XCR1: variants seen among roughly 807,000 people sequenced by gnomAD.
XCR1 encodes X-C motif chemokine receptor 1, also known as chemokine XC receptor 1.
For missense variants in XCR1, 356 were observed against 424.2 expected (o/e 0.84, Z 1.41); for synonymous variants, 187 against 188.5 (o/e 0.99, Z 0.06).
At chr3:46,085,550 A>T (rs6802160) in intron 1 of XCR1, among the ~76,000 whole-genome samples, 25,766 of 152,202 alleles carry the variant, frequency 0.17, 5,594 homozygotes, top group African/African-American at 0.51. Context: ...TTCTTGAAAG[A>T]ATAGGCCACG....
intron 1 of XCR1, among the ~76,000 whole-genome samples, chr3:46,085,344 A>G (rs1384068778): frequency 1.3e-5 from 2 of 152,232 alleles, no homozygotes. Flanking sequence ...TAACTTGGCC[A>G]AAGTCATGCA....
At chr3:46,038,867 G>A (rs147503111) in intron 5 of XCR1, among the ~76,000 whole-genome samples, 28 of 152,014 alleles carry the variant, frequency 1.8e-4, no homozygotes, top group Non-Finnish European at 2.8e-4. Context: ...ACTGTGATAC[G>A]GCTATAAACT....
At chr3:46,031,506 G>A (rs1035205661), upstream of XCR1, among the ~76,000 whole-genome samples, 1 of 152,242 alleles carries the variant, frequency 6.6e-6, no homozygotes, top group Non-Finnish European at 1.5e-5. Context: ...CAGGAGGAAG[G>A]CTGAGGAGGG....
intron 1 of XCR1, among the ~76,000 whole-genome samples, chr3:46,083,575 C>T (rs777116484): frequency 8.5e-5 from 13 of 152,132 alleles, no homozygotes; most frequent in Admixed American, 2.6e-4. Context: ...ATACTTTTGC[C>T]TTTGTTGGAT....
At chr3:46,030,877 T>C (rs928986817), upstream of XCR1, among the ~76,000 whole-genome samples, 8 of 152,250 alleles carry the variant, frequency 5.3e-5, no homozygotes, top group Admixed American at 3.3e-4. Context: ...ACTCATTCCC[T>C]GCCGTGTTCT....
chr3:46,066,027 A>G (rs529540174), intron 4 of XCR1, among the ~76,000 whole-genome samples: 1 of 152,160 alleles, frequency 6.6e-6, no homozygotes, highest in African/African-American at 2.4e-5. Flanking sequence ...GCTCAAGCAC[A>G]TAAGGGTGGG....
intron 4 of XCR1, among the ~76,000 whole-genome samples, chr3:46,057,882 GTCTATCTATCTATCTATCTATCTA>G (rs147836844): frequency 2.2e-5 from 3 of 134,878 alleles, no homozygotes; most frequent in East Asian, 2.3e-4. Context: ...TTATCTGTCT[GTCTATCTATCTATCTATCTATCTA>G]TCTATCTATC....
chr3:46,023,163 G>A (rs1371039119), intron 1 of XCR1: 3 of 404,508 alleles, frequency 7.4e-6, no homozygotes, highest in East Asian at 8.3e-5. Context: ...CCCGTGGCGC[G>A]GGGCCTGAGG....
intron 1 of XCR1, among the ~76,000 whole-genome samples, chr3:46,085,718 C>A (rs1010748123): frequency 6.6e-6 from 1 of 151,702 alleles, no homozygotes; most frequent in Admixed American, 6.5e-5. Flanking sequence ...GCACCCCCAA[C>A]CCCATACATT....
At chr3:46,034,447 CCTT>C (rs1415758813) in intron 5 of XCR1, among the ~76,000 whole-genome samples, 2 of 144,802 alleles carry the variant, frequency 1.4e-5, no homozygotes, top group Non-Finnish European at 3.1e-5. Context: ...CCTTTTATTT[CCTT>C]TTTTTTTTGT....
At chr3:46,083,601 C>T (rs1698417172) in intron 1 of XCR1, among the ~76,000 whole-genome samples, 1 of 152,156 alleles carries the variant, frequency 6.6e-6, no homozygotes, top group African/African-American at 2.4e-5. Context: ...TTCCCATGAA[C>T]ACATGATCTA....
intron 1 of XCR1, among the ~76,000 whole-genome samples, chr3:46,083,133 A>G (rs1559498216): frequency 6.6e-6 from 1 of 152,218 alleles, no homozygotes; most frequent in Non-Finnish European, 1.5e-5. Context: ...CACTAATGAC[A>G]GTACTAAAAT....
intron 4 of XCR1, among the ~76,000 whole-genome samples, chr3:46,064,314 C>A (rs1001137859): frequency 3.3e-5 from 5 of 152,176 alleles, no homozygotes; most frequent in Non-Finnish European, 5.9e-5. Context: ...CTGTATTGTT[C>A]ATTGGTCTGT....
chr3:46,034,233 A>G (rs1697375179), intron 5 of XCR1, among the ~76,000 whole-genome samples: 1 of 152,178 alleles, frequency 6.6e-6, no homozygotes, highest in Non-Finnish European at 1.5e-5. Context: ...TGGCCTCCCA[A>G]AGTGCTGGGA....
chr3:46,062,593 C>T lies in XCR1; in HGVS notation c.-183+4306G>A, dbSNP rs150218580. On this transcript the variant is annotated intron_variant, in intron 4 of 5. Coordinates refer to the XCR1 transcript ENST00000683768. ...AAGGCTCTCCCTGCCTACTTTTGCT[C>T]CTTCTCCCGTTACTCTTTTGGGAAT... Among the ~76,000 whole-genome samples the T allele has an allele frequency of 9.3e-4, 141 of 152,356 alleles. 1 individual carries two copies. Among genetic ancestry groups the T allele is most frequent in the Middle Eastern group, 3.4e-3 (1 of 294 alleles).
intron 5 of XCR1, among the ~76,000 whole-genome samples, chr3:46,032,561 T>G (rs1361960358): frequency 6.6e-6 from 1 of 152,190 alleles, no homozygotes; most frequent in Non-Finnish European, 1.5e-5. Context: ...CCTACCAGGC[T>G]GAGTGAGCAG....
rs1697384948 is a variant in XCR1 at position 46,034,593 on chromosome 3, T to C, written c.-31-12615A>G. On this transcript the variant is annotated intron_variant, in intron 5 of 5. Coordinates refer to the XCR1 transcript ENST00000683768. ...TTAAGAATGTTAGGTTTAGGTTTTC[T>C]TTAAAAAATTATATAAATGTATGTG... Among the ~76,000 whole-genome samples the C allele has an allele frequency of 3.3e-5, 5 of 152,220 alleles. No individual in the cohort carries two copies. The South Asian group carries it at 1.0e-3, about 31-fold the overall frequency.
chr3:46,055,276 T>G (rs2125899965), intron 4 of XCR1, among the ~76,000 whole-genome samples: 1 of 152,322 alleles, frequency 6.6e-6, no homozygotes, highest in Non-Finnish European at 1.5e-5. Flanking sequence ...ATCATAAGGC[T>G]TTTATTTAAG....
At chr3:46,084,958 AT>A (rs148155180) in intron 1 of XCR1, among the ~76,000 whole-genome samples, 32 of 151,336 alleles carry the variant, frequency 2.1e-4, no homozygotes, top group Admixed American at 2.6e-4. Context: ...TAAAAGTTGG[AT>A]TTTTTTTTTA....
Sources: allele counts gnomAD v4.1 joint callset (sites outside exome capture counted in the v4.1 genomes callset), GRCh38; gene constraint gnomAD v4.1.1; transcripts MANE v1.5; gene names NCBI Gene and HGNC (gene_info 2026-07-23, HGNC 2026-07-21).